PLPPR1: variants seen among roughly 807,000 people sequenced by gnomAD.
PLPPR1 encodes the protein phospholipid phosphatase related 1, also known as phospholipid phosphatase-related protein type 1.
PLPPR1 carries 10 observed loss-of-function variants against 33.1 expected under a neutral mutation model. The observed-to-expected ratio is 0.30, with a 90% CI of 0.19 to 0.51. PLPPR1 has a LOEUF of 0.51. Ranked by LOEUF, PLPPR1 falls within the 20% of genes least tolerant of loss-of-function variation. PLPPR1 has a pLI of 0.97. For missense variants in PLPPR1, 304 were observed against 408.1 expected, an observed-to-expected ratio of 0.74 and a Z score of 2.20; for synonymous variants, 151 against 151.0, an observed-to-expected ratio of 1.00 and a Z score of 0.00.
intron 4 of PLPPR1, among the ~76,000 whole-genome samples, chr9:101,292,562 A>G (rs554973081): frequency 9.9e-4 from 138 of 139,410 alleles, no homozygotes; most frequent in African/African-American, 3.6e-3. Context: ...TAACCCACAA[A>G]GGGAAGCCCA....
chr9:101,151,969 C>A (rs1277676538), intron 1 of PLPPR1, among the ~76,000 whole-genome samples: 1 of 152,146 alleles, frequency 6.6e-6, no homozygotes, highest in African/African-American at 2.4e-5. Flanking sequence ...TGAGGAATCG[C>A]CACACTGTCT....
chr9:101,167,140 C>T (rs955410914), intron 1 of PLPPR1, among the ~76,000 whole-genome samples: 1 of 18,372 alleles, frequency 5.4e-5, no homozygotes, highest in Non-Finnish European at 1.8e-4. Flanking sequence ...TTATGTCTCT[C>T]GGTGTGTGTG....
chr9:101,227,651 T>C (rs1172110326), intron 2 of PLPPR1, among the ~76,000 whole-genome samples: 1 of 152,216 alleles, frequency 6.6e-6, no homozygotes, highest in Non-Finnish European at 1.5e-5. Context: ...CAGCTCAGGC[T>C]ATACATAATT....
At chr9:101,233,751 G>A (rs1006193784) in intron 2 of PLPPR1, among the ~76,000 whole-genome samples, 3 of 151,872 alleles carry the variant, frequency 2.0e-5, no homozygotes, top group African/African-American at 7.2e-5. Context: ...ATAAGTCTCA[G>A]GTATTGTGAT....
intron 2 of PLPPR1, among the ~76,000 whole-genome samples, chr9:101,267,518 T>C (rs1828019262): frequency 6.6e-6 from 1 of 152,066 alleles, no homozygotes; most frequent in South Asian, 2.1e-4. Flanking sequence ...AAAGTTGTGA[T>C]TGGAGATCCA....
chr9:101,102,867 G>A (rs1830925961), intron 1 of PLPPR1, among the ~76,000 whole-genome samples: 1 of 87,472 alleles, frequency 1.1e-5, no homozygotes, highest in South Asian at 5.4e-4. Flanking sequence ...ATCTCATAGT[G>A]GTTTTGATTT....
intron 2 of PLPPR1, among the ~76,000 whole-genome samples, chr9:101,202,615 T>C (rs982013084): frequency 2.0e-5 from 3 of 152,140 alleles, no homozygotes; most frequent in African/African-American, 4.8e-5. Flanking sequence ...TCCCAGAAAG[T>C]ACTATAGAGA....
At chr9:101,037,854 GTT>G (rs34419550) in intron 1 of PLPPR1, among the ~76,000 whole-genome samples, 1 of 138,762 alleles carries the variant, frequency 7.2e-6, no homozygotes. Flanking sequence ...TTTGGGTCTA[GTT>G]TTTTTTTTTT....
At chr9:101,149,710 T>C (rs140885268) in intron 1 of PLPPR1, among the ~76,000 whole-genome samples, 3 of 152,292 alleles carry the variant, frequency 2.0e-5, no homozygotes, top group African/African-American at 4.8e-5. Flanking sequence ...GTTTTTATTC[T>C]CCTTGCTCTT....
At chr9:101,089,496 T>C (rs1008960139) in intron 1 of PLPPR1, among the ~76,000 whole-genome samples, 7 of 152,202 alleles carry the variant, frequency 4.6e-5, no homozygotes, top group Admixed American at 3.3e-4. Flanking sequence ...TTTCCTTTAA[T>C]GCTTGTCATT....
At chr9:101,219,480 T>A (rs1276244639) in intron 2 of PLPPR1, among the ~76,000 whole-genome samples, 3 of 152,234 alleles carry the variant, frequency 2.0e-5, no homozygotes, top group African/African-American at 7.2e-5. Context: ...AACTAGGCAG[T>A]GTTCTATTTC....
intron 2 of PLPPR1, among the ~76,000 whole-genome samples, chr9:101,215,287 A>AT (rs1230921294): frequency 0.017 from 2,540 of 150,728 alleles, 56 homozygotes; most frequent in African/African-American, 0.055. Flanking sequence ...GTCTTTTTTT[A>AT]TTTTTTTTTG....
chr9:101,157,057 A>C (rs911929508), intron 1 of PLPPR1, among the ~76,000 whole-genome samples: 2 of 152,212 alleles, frequency 1.3e-5, no homozygotes, highest in African/African-American at 4.8e-5. Context: ...AAGGAACATA[A>C]ATAGGTTATT....
At chr9:101,189,983 T>G (rs1793276539) in intron 2 of PLPPR1, among the ~76,000 whole-genome samples, 1 of 152,150 alleles carries the variant, frequency 6.6e-6, no homozygotes, top group Admixed American at 6.5e-5. Context: ...AGCTCCAGTT[T>G]AGCCGAGCTT....
chr9:101,116,042 G>C (rs963399394), intron 1 of PLPPR1, among the ~76,000 whole-genome samples: 2 of 152,142 alleles, frequency 1.3e-5, no homozygotes, highest in Non-Finnish European at 2.9e-5. Context: ...GATTCTCTAG[G>C]AATTAATACA....
intron 1 of PLPPR1, among the ~76,000 whole-genome samples, chr9:101,093,097 T>C (rs78941930): frequency 0.053 from 8,116 of 152,246 alleles, 382 homozygotes; most frequent in African/African-American, 0.12. Context: ...GCTTTAGACA[T>C]ACTCTCACTA....
chr9:101,138,795 C>CT (rs1831410522), intron 1 of PLPPR1, among the ~76,000 whole-genome samples: 1 of 152,152 alleles, frequency 6.6e-6, no homozygotes, highest in Admixed American at 6.6e-5. Flanking sequence ...AAGATAATAC[C>CT]TTACCAGGAT....
intron 1 of PLPPR1, among the ~76,000 whole-genome samples, chr9:101,060,033 G>A (rs1393929482): frequency 6.6e-6 from 1 of 152,026 alleles, no homozygotes; most frequent in African/African-American, 2.4e-5. Context: ...GTTCATTGCA[G>A]CATGATTCAC....
At chr9:101,150,693 T>C (rs1023903640) in intron 1 of PLPPR1, among the ~76,000 whole-genome samples, 1 of 152,200 alleles carries the variant, frequency 6.6e-6, no homozygotes, top group Admixed American at 6.5e-5. Context: ...TGTCATCCTG[T>C]TCTCCTCTGA....
Sources: gnomAD v4.1 joint callset for allele counts (sites outside exome capture counted in the v4.1 genomes callset) on GRCh38, gnomAD v4.1.1 for gene constraint, MANE v1.5 for transcripts, NCBI Gene and HGNC (gene_info 2026-07-23, HGNC 2026-07-21) for gene names.